The following ZNF714 variants were observed in gnomAD, a reference collection of about 807,000 sequenced individuals.
The protein encoded by ZNF714 is zinc finger protein 714.
A neutral mutation model predicts 46.2 loss-of-function variants in ZNF714; 32 were observed. The ratio of observed to expected loss-of-function variants is 0.69; its 90% confidence interval spans 0.52 to 0.93. ZNF714 has a LOEUF of 0.93. Ranked by LOEUF, ZNF714 falls within the 40% of genes least tolerant of loss-of-function variation. The pLI, the probability that ZNF714 is intolerant of heterozygous loss-of-function variation, is 0.00. For missense variants in ZNF714, 635 were observed against 646.3 expected (o/e 0.98, Z 0.19); for synonymous variants, 199 against 213.1 (o/e 0.93, Z 0.58).
At chr19:21,092,092 G>C (rs1968922003) in intron 2 of ZNF714, among the ~76,000 whole-genome samples, 1 of 152,124 alleles carries the variant, frequency 6.6e-6, no homozygotes, top group Non-Finnish European at 1.5e-5. Context: ...GAAATGGGAG[G>C]CTCTGCTCTC....
intron 4 of ZNF714, among the ~76,000 whole-genome samples, chr19:21,100,547 AT>A (rs1394418687): frequency 5.9e-5 from 9 of 152,038 alleles, no homozygotes; most frequent in African/African-American, 9.7e-5. Flanking sequence ...AAACAAAAAG[AT>A]TTTTTACCTT....
chr19:21,121,847 T>C lies in ZNF714; in HGVS notation c.*3515T>C, dbSNP rs1438817243. Reference sequence around the variant, plus strand: ...TGGTACTCATGCTAGACCCATACTTTTTTTGTTTCTTACATTTTTTTTGTT... The same window carrying C: ...TGGTACTCATGCTAGACCCATACTTCTTTTGTTTCTTACATTTTTTTTGTT... On this transcript the variant is annotated 3_prime_UTR_variant, in exon 5 of 5. Transcript: ENST00000456283. The C allele has an allele frequency of 1.3e-5, 2 of 152,342 alleles. No homozygotes were observed. The highest frequency in any genetic ancestry group is 2.1e-4 in the South Asian group (1 of 4,826). The allele number at this position is 152,342 out of a possible 1,614,324, so 9.4% of individuals were successfully genotyped here.
intron 4 of ZNF714, among the ~76,000 whole-genome samples, chr19:21,101,500 C>T (rs1256605883): frequency 6.6e-6 from 1 of 152,168 alleles, no homozygotes; most frequent in Non-Finnish European, 1.5e-5. Flanking sequence ...CAGTTGGCTC[C>T]ATATATAATG....
intron 4 of ZNF714, among the ~76,000 whole-genome samples, chr19:21,111,977 G>A (rs1418955449): frequency 6.6e-6 from 1 of 152,158 alleles, no homozygotes; most frequent in East Asian, 1.9e-4. Flanking sequence ...GCTAGATTCA[G>A]TTTGCAAGTA....
rs969157203 is a variant in ZNF714, at chr19:21,100,380, G to A, written c.142+1470G>A. Among the ~76,000 whole-genome samples, 4 of 151,596 alleles carry A rather than the reference G, an allele frequency of 2.6e-5. No individual in the cohort carries two copies. In the South Asian group the frequency reaches 6.3e-4, roughly 24 times the overall value. ...TCTACTAAAAATACAAAAGTGGCTG[G>A]CCATATTACAGGCATAGATTACATG... is the stretch of plus-strand genomic sequence containing the variant. On this transcript the variant is annotated intron_variant, in intron 4 of 4. Coordinates refer to ENST00000456283, the MANE Select transcript of ZNF714 (RefSeq NM_182515.4).
chr19:21,095,418 AG>A (rs1969012870), intron 2 of ZNF714, among the ~76,000 whole-genome samples: 1 of 151,992 alleles, frequency 6.6e-6, no homozygotes, highest in South Asian at 2.1e-4. Context: ...CCCAGAGCTC[AG>A]GGCCTTCACA....
rs1461813007 is a variant in ZNF714 at position 21,117,578 on chromosome 19, T to A, written c.914T>A (p.Ile305Lys). ...TTCTCATACCTTACTAAACATAAGA[T>A]AATTCATTCTGGAGAGAAATCTTAC... Reference protein sequence around the residue: ...NRFSYLTKHKIIHSGEKSYKC... With the variant: ...NRFSYLTKHKKIHSGEKSYKC... Residue 305 changes from isoleucine (I) to lysine (K), a missense_variant, in exon 5 of 5, where the codon ATA becomes AAA. Physicochemically the swap from Ile to Lys is moderately radical, Grantham distance 102 (BLOSUM62 -3). Transcript: ENST00000456283. The A allele has an allele frequency of 6.2e-7, 1 of 1,607,290 alleles. No individual in the cohort carries two copies. Among genetic ancestry groups the A allele is most frequent in the East Asian group, 2.2e-5 (1 of 44,570 alleles).
intron 3 of ZNF714, 52 bp from the exon 4 acceptor site, chr19:21,098,760 G>GAATATAAGCAAGA: frequency 7.8e-7 from 1 of 1,289,012 alleles, no homozygotes; most frequent in South Asian, 1.3e-5. Context: ...ACAGTACTAG[G>GAATATAAGCAAGA]TTGGTAACTA....
At position 21,098,249 on chromosome 19, in the gene ZNF714, C is replaced by T. The variant is rs750526150; in HGVS notation, c.-20C>T. 2.1e-5 allele frequency: 34 copies of T among 1,612,488 alleles called. No individual in the cohort carries two copies. The highest frequency in any genetic ancestry group is 2.7e-5 in the Non-Finnish European group (32 of 1,179,772). On this transcript the variant is annotated 5_prime_UTR_variant, in exon 3 of 5. Transcript: ENST00000456283. The stretch of plus-strand genomic sequence containing the variant: ...CTGGAGGAGTGGGAATGCCTGAACC[C>T]TGCTCAGCAGAATTTATATATGAAT...
At chr19:21,100,376 G>T (rs1969148744) in intron 4 of ZNF714, among the ~76,000 whole-genome samples, 1 of 151,472 alleles carries the variant, frequency 6.6e-6, no homozygotes, top group Non-Finnish European at 1.5e-5. Flanking sequence ...TACAAAAGTG[G>T]CTGGCCATAT....
In ZNF714 at chr19:21,124,110, T is replaced by C. The variant is rs11085431; in HGVS notation, c.*5778T>C. ...CAAGCTTAAAGTAAAAATCCTAAAGTACATTGGCTTCTCCCATGCAATGTG... is the reference window on the plus strand; with the variant it reads ...CAAGCTTAAAGTAAAAATCCTAAAGCACATTGGCTTCTCCCATGCAATGTG... On this transcript the variant is annotated 3_prime_UTR_variant, in exon 5 of 5. Transcript: ENST00000456283. The C allele has an allele frequency of 0.74, 112,846 of 152,088 alleles. 43,535 individuals are homozygous for C. Among genetic ancestry groups the C allele is most frequent in the Middle Eastern group, 0.88 (259 of 294 alleles). The allele number at this position is 152,088 out of a possible 1,614,324, so 9.4% of individuals were successfully genotyped here.
chr19:21,116,674 T>G, intron 4 of ZNF714, 133 bp from the exon 5 acceptor site: 2 of 1,084,858 alleles, frequency 1.8e-6, no homozygotes, highest in Non-Finnish European at 2.6e-6. Flanking sequence ...TATATGTCTA[T>G]GAAGGATTTA....
chr19:21,112,554 T>C (rs1193916465), intron 4 of ZNF714, among the ~76,000 whole-genome samples: 2 of 142,780 alleles, frequency 1.4e-5, no homozygotes, highest in African/African-American at 5.1e-5. Context: ...TTTTGAATGG[T>C]TTTTTTGTGT....
intron 4 of ZNF714, among the ~76,000 whole-genome samples, chr19:21,115,230 G>A (rs1228160388): frequency 6.6e-6 from 1 of 151,144 alleles, no homozygotes; most frequent in African/African-American, 2.4e-5. Flanking sequence ...ATTAACAAAT[G>A]TTTATAATGA....
chr19:21,119,142 G>A lies in ZNF714; in HGVS notation c.*810G>A. 2.2e-6 allele frequency: 1 copy of A among 450,662 alleles called. No individual in the cohort carries two copies. Among genetic ancestry groups the A allele is most frequent in the Non-Finnish European group, 4.4e-6 (1 of 224,736 alleles). 27.9% of individuals were successfully genotyped at this position (450,662 alleles called of 1,614,324 possible). On this transcript the variant is annotated 3_prime_UTR_variant, in exon 5 of 5. Coordinates refer to ENST00000456283, the MANE Select transcript of ZNF714 (RefSeq NM_182515.4). ...GCTTTTGACCAGGCGTGGTGGCTCA[G>A]GCCTATAATCCCAGCACTTTGGTAG...
Position 21,122,242 on chromosome 19 carries a change from C to G in ZNF714, c.*3910C>G, listed in dbSNP as rs1005688363. The G allele has an allele frequency of 6.6e-6, 1 of 152,164 alleles. No individual in the cohort carries two copies. The highest frequency in any genetic ancestry group is 2.4e-5 in the African/African-American group (1 of 41,426). 9.4% of individuals were successfully genotyped at this position (152,164 alleles called of 1,614,324 possible). On this transcript the variant is annotated 3_prime_UTR_variant, in exon 5 of 5. Coordinates refer to ENST00000456283, the MANE Select transcript of ZNF714 (RefSeq NM_182515.4). ...GCTCCATAATAATTCACAAATATTC[C>G]TGCTGGAGTTAGTTTGTAATTTCAA...
chr19:21,116,707 G>C (rs1482655273), intron 4 of ZNF714, 100 bp from the exon 5 acceptor site: 1 of 1,332,576 alleles, frequency 7.5e-7, no homozygotes, highest in African/African-American at 1.5e-5. Flanking sequence ...TTTTATTATG[G>C]CATCTTGCTT....
Position 21,090,328 on chromosome 19 carries a change from A to G in ZNF714, c.-85+6259A>G, listed in dbSNP as rs377000377. Among the ~76,000 whole-genome samples the G allele has an allele frequency of 1.6e-4, 24 of 152,332 alleles. 1 individual carries two copies. Among genetic ancestry groups the G allele is most frequent in the African/African-American group, 5.5e-4 (23 of 41,588 alleles). ...AAAGTTGAGGTGGCTGCTTCTTGGTAGGAAAGATTTTTTCCAGCAGTCCCA... is the reference window on the plus strand; with the variant it reads ...AAAGTTGAGGTGGCTGCTTCTTGGTGGGAAAGATTTTTTCCAGCAGTCCCA... On this transcript the variant is annotated intron_variant, in intron 2 of 4. Transcript: ENST00000456283.
chr19:21,090,415 A>G (rs1968882372), intron 2 of ZNF714, among the ~76,000 whole-genome samples: 1 of 152,192 alleles, frequency 6.6e-6, no homozygotes, highest in African/African-American at 2.4e-5. Context: ...GGTCCTGTAG[A>G]TGCCTAATTC....
Sources: allele counts gnomAD v4.1 joint callset (sites outside exome capture counted in the v4.1 genomes callset), GRCh38; gene constraint gnomAD v4.1.1; transcripts MANE v1.5; gene names NCBI Gene and HGNC (gene_info 2026-07-23, HGNC 2026-07-21).